The following CIB1 variants were observed in gnomAD, a reference collection of about 807,000 sequenced individuals.
CIB1 encodes calcium and integrin binding 1, also known as calcium and integrin-binding protein 1.
CIB1 carries 19 observed loss-of-function variants against 25.0 expected under a neutral mutation model. The observed-to-expected ratio is 0.76, with a 90% CI of 0.53 to 1.12. The LOEUF is 1.12. Ranked by LOEUF, CIB1 falls within the 50% of genes most tolerant of loss-of-function variation. CIB1 has a pLI of 0.00. For synonymous variants in CIB1, 104 were observed against 98.5 expected (o/e 1.06, Z -0.33); for missense variants, 236 against 242.6 (o/e 0.97, Z 0.18).
At chr15:90,256,060 A>G in the CIB1 span, 1 of 1,567,370 alleles carries the variant, frequency 6.4e-7, no homozygotes. Context: ...AGCATGGACT[A>G]GATAGCAGGA....
chr15:90,241,757 T>A, the CIB1 span: 9 of 1,614,030 alleles, frequency 5.6e-6, no homozygotes, highest in Non-Finnish European at 7.6e-6. Flanking sequence ...TGACTGACCA[T>A]GAGATTGCTC....
the CIB1 span, among the ~76,000 whole-genome samples, chr15:90,249,031 T>C: frequency 6.6e-6 from 1 of 151,978 alleles, no homozygotes; most frequent in Non-Finnish European, 1.5e-5. Flanking sequence ...TGCATAGGCT[T>C]TGCTAGCTAA....
chr15:90,258,819 T>C, the CIB1 span: 2 of 1,614,190 alleles, frequency 1.2e-6, no homozygotes, highest in South Asian at 2.2e-5. Context: ...TGTGATGCTA[T>C]GACCCTTGTC....
At chr15:90,250,875 G>A in the CIB1 span, 3 of 1,613,686 alleles carry the variant, frequency 1.9e-6, no homozygotes, top group African/African-American at 4.0e-5. Context: ...AGGAAGAGAA[G>A]GCGGAAACGC....
chr15:90,238,037 C>T (rs145825936), upstream of CIB1, among the ~76,000 whole-genome samples: 23 of 152,308 alleles, frequency 1.5e-4, no homozygotes, highest in African/African-American at 5.1e-4. Context: ...CGGTGGCTCA[C>T]GCCTGTAATC....
chr15:90,241,062 G>C, the CIB1 span: 2 of 1,614,068 alleles, frequency 1.2e-6, no homozygotes, highest in Admixed American at 3.3e-5. Flanking sequence ...TGGCATCCCA[G>C]ATGCTCTGCC....
At chr15:90,256,606 T>TTTCTTTCCTTCC in the CIB1 span, among the ~76,000 whole-genome samples, 4 of 30,544 alleles carry the variant, frequency 1.3e-4, no homozygotes, top group African/African-American at 4.3e-4. Context: ...TCTTTCTTTC[T>TTTCTTTCCTTCC]TTCCTTCCTT....
chr15:90,241,510 T>C, the CIB1 span: 1 of 1,613,710 alleles, frequency 6.2e-7, no homozygotes, highest in East Asian at 2.2e-5. Context: ...CACCCGGGCT[T>C]CCGTGTCGGC....
At chr15:90,241,172 C>T in the CIB1 span, 6 of 1,614,182 alleles carry the variant, frequency 3.7e-6, no homozygotes, top group Non-Finnish European at 2.5e-6. Context: ...CCCAAATCCT[C>T]CCTGGTGCTG....
the CIB1 span, chr15:90,256,233 T>C: frequency 1.2e-6 from 2 of 1,614,188 alleles, no homozygotes; most frequent in Non-Finnish European, 1.7e-6. Flanking sequence ...GGCATCTTCA[T>C]TACCCGAAAT....
chr15:90,232,109 A>C, intron 3 of CIB1, 110 bp downstream of exon 3: 1 of 820,112 alleles, frequency 1.2e-6, no homozygotes, highest in Non-Finnish European at 1.9e-6. Flanking sequence ...AAAAATGACC[A>C]GAGTGGGGAC....
Position 90,231,171 on chromosome 15 carries a change from C to G in CIB1, c.389G>C (p.Arg130Pro), listed in dbSNP as rs552611897. The G allele has an allele frequency of 6.2e-7, 1 of 1,614,070 alleles. No homozygotes were observed. ...CTCTCCCGTGAGGCAGTTCACCAGC[C>G]GGCTCAGGTCTTCTCTGTTCAAGGT... ...DGTLNREDLS[R>P]LVNCLTGEGE... Residue 130 changes from arginine to proline, a missense_variant, in exon 5 of 7, where the codon CGG becomes CCG. Arg to Pro is a moderately radical substitution (Grantham distance 103). Coordinates refer to ENST00000328649, the MANE Select transcript of CIB1 (RefSeq NM_006384.4).
At chr15:90,265,210 CTCA>C in the CIB1 span, 1 of 1,351,252 alleles carries the variant, frequency 7.4e-7, no homozygotes, top group Non-Finnish European at 9.6e-7. Context: ...CTCATTTCTG[CTCA>C]TCAAGCCTTA....
chr15:90,256,551 T>TTCTTTC, the CIB1 span, among the ~76,000 whole-genome samples: 3 of 25,202 alleles, frequency 1.2e-4, no homozygotes, highest in African/African-American at 5.3e-4. Flanking sequence ...TCCTTTTTCT[T>TTCTTTC]TCTTTCTTTC....
the CIB1 span, among the ~76,000 whole-genome samples, chr15:90,259,718 A>T: frequency 3.2e-4 from 49 of 152,322 alleles, no homozygotes; most frequent in Admixed American, 1.3e-3. Flanking sequence ...TCCTTTAGAA[A>T]CCAGTTCCTG....
the CIB1 span, chr15:90,256,318 AT>A: frequency 1.2e-6 from 2 of 1,613,974 alleles, no homozygotes; most frequent in African/African-American, 2.7e-5. Flanking sequence ...CCTCAGGACC[AT>A]CAGCCTTCCC....
chr15:90,251,590 G>C, the CIB1 span: 12 of 1,613,950 alleles, frequency 7.4e-6, no homozygotes, highest in South Asian at 1.1e-5. Context: ...GCAAGTATGA[G>C]AGTGGTAAGC....
rs767752693 is a variant in CIB1, at chr15:90,232,198, AAAG to A, written c.195+18_195+20del. On this transcript the variant is annotated intron_variant, in intron 3 of 6. Coordinates refer to ENST00000328649, the MANE Select transcript of CIB1 (RefSeq NM_006384.4). ...GGGAGGGAGTGGTGGGAGAGGTGTC[AAAG>A]GAGGGGAGCGCTTGCACCTTGAGCT... 3 of 1,590,920 alleles carry A rather than the reference AAAG, an allele frequency of 1.9e-6. No homozygotes were observed. The Admixed American group carries it at 5.1e-5, about 27-fold the overall frequency.
chr15:90,233,956 G>A (rs1050466584), upstream of CIB1: 83 of 1,421,232 alleles, frequency 5.8e-5, 1 homozygote, highest in Non-Finnish European at 1.7e-5. Context: ...CCGCCCTTGG[G>A]CCGCGTCACT....
Sources: allele counts gnomAD v4.1 joint callset (sites outside exome capture counted in the v4.1 genomes callset), GRCh38; gene constraint gnomAD v4.1.1; transcripts MANE v1.5; gene names NCBI Gene and HGNC (gene_info 2026-07-23, HGNC 2026-07-21).